The following ZNF883 variants were observed in gnomAD, a reference collection of about 807,000 sequenced individuals.
ZNF883 encodes the protein zinc finger protein 883.
exon 1 of ZNF883, chr9:112,997,178 C>T (rs1373324003): frequency 6.2e-7 from 1 of 1,613,018 alleles, no homozygotes; most frequent in Non-Finnish European, 8.5e-7. Context: ...TAAGGATGTA[C>T]TATGACAAAA....
At chr9:112,990,104 T>C (rs1828287857) in intron 1 of ZNF883, among the ~76,000 whole-genome samples, 2 of 152,232 alleles carry the variant, frequency 1.3e-5, no homozygotes, top group African/African-American at 4.8e-5. Flanking sequence ...GAATACCCTT[T>C]ATTTCTTTCT....
downstream of ZNF883, among the ~76,000 whole-genome samples, chr9:112,995,610 C>T (rs1828345195): frequency 6.6e-6 from 1 of 151,756 alleles, no homozygotes; most frequent in South Asian, 2.1e-4. Context: ...CTAATACATG[C>T]TCATCATCAA....
At chr9:113,009,884 A>G (rs556301584) in intron 2 of ZNF883, among the ~76,000 whole-genome samples, 83 of 152,308 alleles carry the variant, frequency 5.4e-4, no homozygotes, top group African/African-American at 1.9e-3. Flanking sequence ...CAGCTGTCCT[A>G]TGCCTTCCCT....
downstream of ZNF883, among the ~76,000 whole-genome samples, chr9:112,992,511 T>G (rs539248092): frequency 2.0e-5 from 3 of 152,320 alleles, no homozygotes; most frequent in South Asian, 6.2e-4. Flanking sequence ...GACTTTAACA[T>G]TTTTTCCTTC....
downstream of ZNF883, among the ~76,000 whole-genome samples, chr9:112,996,158 C>A (rs1828352105): frequency 6.6e-6 from 1 of 151,886 alleles, no homozygotes; most frequent in Non-Finnish European, 1.5e-5. Context: ...TGGGGTGCTA[C>A]TTTTAGTTGT....
intron 1 of ZNF883, among the ~76,000 whole-genome samples, chr9:112,988,398 T>C (rs1485512304): frequency 6.6e-6 from 1 of 152,158 alleles, no homozygotes; most frequent in Non-Finnish European, 1.5e-5. Context: ...ACACACAGTG[T>C]TTAGTTTTCT....
chr9:113,009,790 G>A (rs1828515286), intron 2 of ZNF883, among the ~76,000 whole-genome samples: 2 of 152,282 alleles, frequency 1.3e-5, no homozygotes, highest in Admixed American at 1.3e-4. Context: ...TTACAGGCAT[G>A]AGCCATCACG....
intron 1 of ZNF883, among the ~76,000 whole-genome samples, chr9:112,989,207 C>T (rs1828279913): frequency 6.6e-6 from 1 of 152,134 alleles, no homozygotes. Flanking sequence ...TTGCCTGTGC[C>T]TATGTCCTGA....
exon 1 of ZNF883, chr9:112,997,562 C>T (rs866689126): frequency 1.2e-6 from 2 of 1,614,134 alleles, no homozygotes; most frequent in Non-Finnish European, 1.7e-6. Flanking sequence ...GGGTTTTTCT[C>T]CAGTATGAAT....
At chr9:112,988,685 T>C (rs1828275435) in intron 1 of ZNF883, among the ~76,000 whole-genome samples, 1 of 152,242 alleles carries the variant, frequency 6.6e-6, no homozygotes, top group South Asian at 2.1e-4. Flanking sequence ...ATGGGATTGC[T>C]GAGTCAAATG....
chr9:112,994,445 G>T (rs1334962210), downstream of ZNF883, among the ~76,000 whole-genome samples: 1 of 151,938 alleles, frequency 6.6e-6, no homozygotes, highest in Non-Finnish European at 1.5e-5. Context: ...CTCAGTGGGA[G>T]CCTCTGTCTG....
At chr9:112,999,666 T>C (rs1828403056), upstream of ZNF883, 1 of 152,156 alleles carries the variant, frequency 6.6e-6, no homozygotes, top group South Asian at 2.1e-4. Flanking sequence ...TTTACTTACA[T>C]TTACCAGTTT....
chr9:112,997,930 T>G lies in ZNF883; in HGVS notation n.330A>C, dbSNP rs189363327. On this transcript the variant is annotated non_coding_transcript_exon_variant, in exon 1 of 1. Transcript: ENST00000639662. ...GGATTCTCTCATGATTTCTAAGGGA[T>G]GACCTATGACTAAAGGTTTTTTCAC... 162 of 1,613,880 alleles carry G rather than the reference T, an allele frequency of 1.0e-4. No homozygotes were observed. The East Asian group carries it at 3.4e-3, about 34-fold the overall frequency.
chr9:112,997,754 A>AT, exon 1 of ZNF883: 1 of 1,613,854 alleles, frequency 6.2e-7, no homozygotes, highest in South Asian at 1.1e-5. Flanking sequence ...CTGATGTTCA[A>AT]TTAGGTGTGT....
chr9:113,010,663 T>C (rs1225092549), intron 2 of ZNF883, among the ~76,000 whole-genome samples: 1 of 152,114 alleles, frequency 6.6e-6, no homozygotes. Flanking sequence ...TTACACATGA[T>C]GAATATATAA....
At chr9:113,005,197 A>C (rs1442099676) in intron 2 of ZNF883, among the ~76,000 whole-genome samples, 1 of 152,156 alleles carries the variant, frequency 6.6e-6, no homozygotes, top group African/African-American at 2.4e-5. Context: ...AGATTCACAG[A>C]TTTGACTATA....
upstream of ZNF883, among the ~76,000 whole-genome samples, chr9:113,000,130 G>A (rs1306528191): frequency 6.6e-6 from 1 of 152,184 alleles, no homozygotes; most frequent in Non-Finnish European, 1.5e-5. Context: ...GATATGTTTT[G>A]TATGATATCA....
downstream of ZNF883, among the ~76,000 whole-genome samples, chr9:112,994,774 T>C (rs1828333412): frequency 6.6e-6 from 1 of 152,168 alleles, no homozygotes; most frequent in African/African-American, 2.4e-5. Context: ...TTTGTACATA[T>C]ATCATTTTAG....
At chr9:113,003,057 G>T (rs1828441747), upstream of ZNF883, among the ~76,000 whole-genome samples, 1 of 152,260 alleles carries the variant, frequency 6.6e-6, no homozygotes, top group Non-Finnish European at 1.5e-5. Context: ...CAGGTATTTT[G>T]CTATAGCAGC....
Sources: gnomAD v4.1 joint callset for allele counts (sites outside exome capture counted in the v4.1 genomes callset) on GRCh38, gnomAD v4.1.1 for gene constraint, MANE v1.5 for transcripts, NCBI Gene and HGNC (gene_info 2026-07-23, HGNC 2026-07-21) for gene names.